Variants in DNA2 observed in about 807,000 individuals in gnomAD.
DNA2 encodes the protein DNA replication ATP-dependent helicase/nuclease DNA2.
In DNA2, 101 loss-of-function variants were observed where a neutral mutation model predicts 119.1. The observed-to-expected ratio is 0.85, with a 90% CI of 0.72 to 1.00. The LOEUF is 1.00. Ranked by LOEUF, DNA2 falls within the 50% of genes least tolerant of loss-of-function variation. The pLI is 0.00. For synonymous variants in DNA2, 366 were observed against 424.4 expected (o/e 0.86, Z 1.69); for missense variants, 1,121 against 1,255.5 (o/e 0.89, Z 1.62).
chr10:68,448,485 T>C (rs2052071169), intron 6 of DNA2, among the ~76,000 whole-genome samples: 1 of 152,194 alleles, frequency 6.6e-6, no homozygotes, highest in South Asian at 2.1e-4. Flanking sequence ...ATACCCAACA[T>C]AATAATGAAC....
intron 4 of DNA2, among the ~76,000 whole-genome samples, chr10:68,459,457 T>C (rs1056820062): frequency 1.3e-5 from 2 of 152,212 alleles, no homozygotes; most frequent in Non-Finnish European, 2.9e-5. Flanking sequence ...TTCTGACATA[T>C]GTTACAACAT....
chr10:68,416,906 A>T, intron 19 of DNA2, 51 bp from the exon 20 acceptor site: 2 of 1,506,650 alleles, frequency 1.3e-6, no homozygotes, highest in Non-Finnish European at 9.1e-7. Flanking sequence ...ATGGTTAAAT[A>T]TATTACAACA....
chr10:68,427,860 C>G (rs567509807), intron 14 of DNA2, among the ~76,000 whole-genome samples: 1 of 151,964 alleles, frequency 6.6e-6, no homozygotes, highest in Non-Finnish European at 1.5e-5. Context: ...GGTGAAACCT[C>G]GTCACTACTA....
At chr10:68,454,523 C>T (rs915751898) in intron 5 of DNA2, among the ~76,000 whole-genome samples, 15 of 152,028 alleles carry the variant, frequency 9.9e-5, no homozygotes, top group African/African-American at 3.6e-4. Context: ...AAATGTCAAG[C>T]AGCTGGGCGC....
intron 7 of DNA2, among the ~76,000 whole-genome samples, chr10:68,445,882 T>C (rs920649316): frequency 2.0e-5 from 3 of 152,116 alleles, no homozygotes; most frequent in Admixed American, 6.6e-5. Context: ...ATCCCAGCAC[T>C]TTCAGAGACC....
At chr10:68,464,557 G>A (rs1015382978) in intron 4 of DNA2, among the ~76,000 whole-genome samples, 3 of 151,936 alleles carry the variant, frequency 2.0e-5, no homozygotes, top group African/African-American at 7.2e-5. Flanking sequence ...AGGTAGGCCG[G>A]GCGCAGTGGC....
chr10:68,459,430 T>A (rs1343038926), intron 4 of DNA2, among the ~76,000 whole-genome samples, 195 bp from the exon 5 acceptor site: 1 of 152,178 alleles, frequency 6.6e-6, no homozygotes, highest in Non-Finnish European at 1.5e-5. Context: ...ATTATTCAGC[T>A]ATAAAAAGGA....
intron 8 of DNA2, among the ~76,000 whole-genome samples, chr10:68,444,455 T>C (rs1005217353): frequency 6.6e-6 from 1 of 151,986 alleles, no homozygotes; most frequent in Non-Finnish European, 1.5e-5. Flanking sequence ...CTGGGCGCGG[T>C]GGCTCACGCC....
intron 2 of DNA2, among the ~76,000 whole-genome samples, 191 bp from the exon 3 acceptor site, chr10:68,468,497 T>C (rs1329198490): frequency 2.0e-5 from 3 of 152,288 alleles, no homozygotes; most frequent in South Asian, 2.1e-4. Context: ...CTAGTTATTC[T>C]ACCCCTTTCT....
At chr10:68,467,678 G>A (rs2052343345) in intron 3 of DNA2, among the ~76,000 whole-genome samples, 1 of 152,072 alleles carries the variant, frequency 6.6e-6, no homozygotes, top group African/African-American at 2.4e-5. Context: ...AGCCTCCTGA[G>A]TAGCTGGGAC....
chr10:68,435,160 C>A (rs1413308730), intron 10 of DNA2, among the ~76,000 whole-genome samples: 2 of 151,880 alleles, frequency 1.3e-5, no homozygotes, highest in African/African-American at 2.4e-5. Context: ...CTCAACTGAT[C>A]GTCCCACCTC....
At position 68,422,737 on chromosome 10, in the gene DNA2, G is replaced by A. The variant is rs748556014; in HGVS notation, c.2362C>T (p.His788Tyr). Residue 788 changes from histidine (H) to tyrosine (Y), a missense_variant, in exon 15 of 21, where the codon CAT becomes TAT. Coordinates refer to ENST00000358410, the MANE Select transcript of DNA2 (RefSeq NM_001080449.3). ...FSRRFVLVGDHQQLPPLVLNR... is the reference protein window; with the variant it reads ...FSRRFVLVGDYQQLPPLVLNR... ...AGCACCAGGGGAGGAAGCTGCTGATGGTCCCCCACTAACACAAATCTCCGT... is the reference window on the plus strand; with the variant it reads ...AGCACCAGGGGAGGAAGCTGCTGATAGTCCCCCACTAACACAAATCTCCGT... 4 of 1,611,612 alleles carry A rather than the reference G, an allele frequency of 2.5e-6. No homozygotes were observed. The Admixed American group carries it at 6.7e-5, about 27-fold the overall frequency.
intron 5 of DNA2, among the ~76,000 whole-genome samples, chr10:68,450,609 C>A (rs2052105867): frequency 6.6e-6 from 1 of 152,186 alleles, no homozygotes; most frequent in South Asian, 2.1e-4. Context: ...ATCATCTGTT[C>A]CTTTCAGTCA....
chr10:68,443,104 C>T lies in DNA2; in HGVS notation c.1228G>A (p.Glu410Lys). 1.9e-5 allele frequency: 29 copies of T among 1,562,386 alleles called. No homozygotes were observed. The highest frequency in any genetic ancestry group is 2.5e-5 in the Non-Finnish European group (29 of 1,153,072). The change falls in exon 9 of 21, where the codon GAA (glutamate) becomes AAA (lysine). Residue 410 changes from glutamate to lysine, a missense_variant. By Grantham distance (56) the Glu-to-Lys change is moderately conservative (BLOSUM62 1). Transcript: ENST00000358410. ...GNCALYSRAVEQQMDCSSVPI... is the reference protein window; with the variant it reads ...GNCALYSRAVKQQMDCSSVPI... Reference sequence around the variant, plus strand: ...ACTGAACTACAATCCATCTGTTGTTCAACTGCTCTAAATATAAAGTTCCAA... The same window carrying T: ...ACTGAACTACAATCCATCTGTTGTTTAACTGCTCTAAATATAAAGTTCCAA...
In DNA2 at chr10:68,439,820, A is replaced by C. The variant is rs1172705465; in HGVS notation, c.1416-2579T>G. 2.0e-5 allele frequency among the ~76,000 whole-genome samples: 3 copies of C among 150,010 alleles called. 1 individual carries two copies. The highest frequency in any genetic ancestry group is 4.4e-4 in the South Asian group (2 of 4,596). On this transcript the variant is annotated intron_variant, in intron 9 of 20. Coordinates refer to ENST00000358410, the MANE Select transcript of DNA2 (RefSeq NM_001080449.3). ...GCCATTGCACTCCAGCCTGAGCAACAAGAGGGAAATTCTGTCTCAAAAAAA... is the reference window on the plus strand; with the variant it reads ...GCCATTGCACTCCAGCCTGAGCAACCAGAGGGAAATTCTGTCTCAAAAAAA...
intron 17 of DNA2, among the ~76,000 whole-genome samples, chr10:68,421,413 G>A (rs1299704057): frequency 6.6e-6 from 1 of 151,924 alleles, no homozygotes; most frequent in Non-Finnish European, 1.5e-5. Context: ...GATATCTACT[G>A]ACCTCCAGAA....
At chr10:68,430,886 C>A (rs539513196) in intron 13 of DNA2, among the ~76,000 whole-genome samples, 3 of 152,122 alleles carry the variant, frequency 2.0e-5, no homozygotes, top group Non-Finnish European at 2.9e-5. Flanking sequence ...GTAATCCCAG[C>A]ACTTTGGGAG....
rs369850332 is a variant in DNA2 at position 68,468,110 on chromosome 10, T to C, written c.441+13A>G. On this transcript the variant is annotated intron_variant, in intron 3 of 20. Coordinates refer to ENST00000358410, the MANE Select transcript of DNA2 (RefSeq NM_001080449.3). ...CAGACCCTGCAGAAACATTAACTGT[T>C]ACTATTATTTACCCTAAAAGTTTCA... 3.4e-5 allele frequency: 52 copies of C among 1,535,040 alleles called. No individual in the cohort carries two copies. In the African/African-American group the frequency reaches 6.9e-4, roughly 20 times the overall value.
At position 68,432,193 on chromosome 10, in the gene DNA2, G is replaced by A. The variant is rs770263440; in HGVS notation, c.1873+13C>T. 2.0e-6 allele frequency: 3 copies of A among 1,506,110 alleles called. No individual in the cohort carries two copies. Among genetic ancestry groups the A allele is most frequent in the Non-Finnish European group, 2.7e-6 (3 of 1,104,168 alleles). 93.3% of individuals were successfully genotyped at this position (1,506,110 alleles called of 1,614,324 possible). ...AAAAATTAATCAAAGCAGACATGGT[G>A]ATTTTAGCATACCCTTTAGAATGCA... On this transcript the variant is annotated intron_variant, in intron 12 of 20. Coordinates refer to ENST00000358410, the MANE Select transcript of DNA2 (RefSeq NM_001080449.3).
Sources: gnomAD v4.1 joint callset for allele counts (sites outside exome capture counted in the v4.1 genomes callset) on GRCh38, gnomAD v4.1.1 for gene constraint, MANE v1.5 for transcripts, NCBI Gene and HGNC (gene_info 2026-07-23, HGNC 2026-07-21) for gene names.